Variants in DOCK3 observed in about 807,000 individuals in gnomAD.
DOCK3 encodes the protein dedicator of cytokinesis 3, also known as dedicator of cytokinesis protein 3.
A neutral mutation model predicts 265.6 loss-of-function variants in DOCK3; 60 were observed. The observed-to-expected ratio is 0.23, with a 90% confidence interval of 0.18 to 0.28. The LOEUF (loss-of-function observed/expected upper bound fraction) is 0.28, where lower values mean the gene tolerates loss of function less well. Ranked by LOEUF, DOCK3 falls within the 10% of genes least tolerant of loss-of-function variation. The pLI is 1.00. For missense variants in DOCK3, 1,981 were observed against 2,594.3 expected, an observed-to-expected ratio of 0.76 and a Z score of 5.14; for synonymous variants, 881 against 938.0, an observed-to-expected ratio of 0.94 and a Z score of 1.11.
chr3:51,283,406 G>C (rs1314678998), intron 27 of DOCK3, among the ~76,000 whole-genome samples: 2 of 152,184 alleles, frequency 1.3e-5, no homozygotes, highest in Admixed American at 6.5e-5. Context: ...GAGGAAATTT[G>C]TATCTCTAGA....
intron 3 of DOCK3, among the ~76,000 whole-genome samples, chr3:50,860,890 T>C (rs2046876414): frequency 6.6e-6 from 1 of 152,218 alleles, no homozygotes; most frequent in Admixed American, 6.5e-5. Flanking sequence ...GTCTCTTTCC[T>C]AGGGGTACAT....
intron 1 of DOCK3, among the ~76,000 whole-genome samples, chr3:50,745,397 T>C (rs2039359555): frequency 6.6e-6 from 1 of 152,152 alleles, no homozygotes; most frequent in African/African-American, 2.4e-5. Flanking sequence ...CTTTGGGTAG[T>C]AATGTTATTT....
chr3:51,087,168 G>T (rs986823526), intron 7 of DOCK3, among the ~76,000 whole-genome samples: 1 of 151,544 alleles, frequency 6.6e-6, no homozygotes, highest in Non-Finnish European at 1.5e-5. Context: ...GTCAGACAAG[G>T]ACACAAGAAA....
At chr3:51,216,923 A>T (rs184002982) in intron 14 of DOCK3, among the ~76,000 whole-genome samples, 10 of 152,318 alleles carry the variant, frequency 6.6e-5, no homozygotes, top group Admixed American at 6.5e-4. Flanking sequence ...GCAGTCCCTC[A>T]GCTCTCACAG....
intron 5 of DOCK3, among the ~76,000 whole-genome samples, chr3:50,971,832 C>G (rs2077244978): frequency 6.6e-6 from 1 of 152,224 alleles, no homozygotes. Context: ...CCCATGCTTA[C>G]TCTCAGATAC....
rs536060962 is a variant in DOCK3, at chr3:50,931,656, T to G, written c.219-2325T>G. Among the ~76,000 whole-genome samples the G allele has an allele frequency of 6.5e-3, 992 of 152,324 alleles. 5 individuals carry two copies. Among genetic ancestry groups the G allele is most frequent in the African/African-American group, 0.022 (927 of 41,556 alleles). On this transcript the variant is annotated intron_variant, in intron 4 of 52. Coordinates refer to ENST00000266037, the MANE Select transcript of DOCK3 (RefSeq NM_004947.5). The stretch of plus-strand genomic sequence containing the variant: ...GATCAATATGACCTATTTCAAAAAA[T>G]TAAAGTAAATTAAACCATAGTTATT...
chr3:51,186,481 G>C (rs1204996644), intron 12 of DOCK3, among the ~76,000 whole-genome samples: 4 of 152,208 alleles, frequency 2.6e-5, no homozygotes, highest in Non-Finnish European at 2.9e-5. Flanking sequence ...TACATTCTCT[G>C]AGGAGAAATT....
intron 5 of DOCK3, among the ~76,000 whole-genome samples, chr3:50,964,317 G>T (rs531816042): frequency 9.2e-5 from 14 of 152,216 alleles, no homozygotes; most frequent in Non-Finnish European, 1.8e-4. Context: ...ATCAATATTT[G>T]AAACCAACCC....
chr3:51,104,870 C>T (rs1293878435), intron 9 of DOCK3, among the ~76,000 whole-genome samples: 9 of 152,116 alleles, frequency 5.9e-5, no homozygotes, highest in East Asian at 5.8e-4. Flanking sequence ...CTCATTGCAG[C>T]GTTAACCTCC....
chr3:50,937,328 A>G (rs1451558579), intron 5 of DOCK3, among the ~76,000 whole-genome samples: 2 of 151,328 alleles, frequency 1.3e-5, no homozygotes, highest in Non-Finnish European at 2.9e-5. Context: ...AAGGACATAA[A>G]TTATAATAGG....
chr3:51,107,394 T>G (rs918826118), intron 9 of DOCK3, among the ~76,000 whole-genome samples: 5 of 152,056 alleles, frequency 3.3e-5, no homozygotes, highest in African/African-American at 1.2e-4. Flanking sequence ...ATTCAGAATA[T>G]GAATAGGAAT....
rs2086698667 is a variant in DOCK3, at chr3:51,361,007, G to C, written c.5006+375G>C. Among the ~76,000 whole-genome samples, 1 of 152,210 alleles carries C rather than the reference G, an allele frequency of 6.6e-6. No individual in the cohort carries two copies. The highest frequency in any genetic ancestry group is 1.5e-5 in the Non-Finnish European group (1 of 68,040). On this transcript the variant is annotated intron_variant, in intron 47 of 52. Transcript: ENST00000266037. The surrounding 1 kb of genome is among the most constrained non-coding windows in gnomAD (Gnocchi z 4.2). ...CACTCTGAGTAGAGCCAAGTGGCTG[G>C]AGTGCCGGATTCCAGGGCACGGAAA... is the stretch of plus-strand genomic sequence containing the variant.
chr3:51,329,728 G>A (rs1409214411), intron 32 of DOCK3, among the ~76,000 whole-genome samples: 3 of 152,142 alleles, frequency 2.0e-5, no homozygotes, highest in Admixed American at 6.5e-5. Flanking sequence ...CATCCTTTTT[G>A]ACTGGCTGAC....
intron 5 of DOCK3, among the ~76,000 whole-genome samples, chr3:51,035,096 T>A (rs542125889): frequency 5.3e-4 from 80 of 152,196 alleles, no homozygotes; most frequent in Middle Eastern, 3.4e-3. Flanking sequence ...GAATATATAT[T>A]ATGCATTTCT....
chr3:51,200,781 C>T (rs551138877), intron 12 of DOCK3, among the ~76,000 whole-genome samples: 12,553 of 151,866 alleles, frequency 0.083, 666 homozygotes, highest in Non-Finnish European at 0.13. Flanking sequence ...AGAGAAAGGT[C>T]GGGTTACCCA....
At chr3:51,295,278 A>G (rs1388017194) in intron 27 of DOCK3, among the ~76,000 whole-genome samples, 2 of 152,272 alleles carry the variant, frequency 1.3e-5, no homozygotes, top group East Asian at 3.8e-4. Context: ...AAGGAGAGCC[A>G]GTGTGTGCAG....
chr3:51,381,762 T>G lies in DOCK3; in HGVS notation c.*203T>G. The stretch of plus-strand genomic sequence containing the variant: ...CCACAGCAGCATGAAGGGTTGTGGC[T>G]TCCCTTTTTATTTTTTTACATTTCC... On this transcript the variant is annotated 3_prime_UTR_variant, in exon 53 of 53. Transcript: ENST00000266037. The surrounding 1 kb of genome is among the most constrained non-coding windows in gnomAD (Gnocchi z 5.6). 1.8e-6 allele frequency: 1 copy of G among 563,046 alleles called. No homozygotes were observed. The highest frequency in any genetic ancestry group is 2.8e-6 in the Non-Finnish European group (1 of 355,384). 34.9% of individuals were successfully genotyped at this position (563,046 alleles called of 1,614,324 possible). A position where few individuals can be genotyped will look rare whatever the true frequency, so the allele number is the denominator to read the frequency against.
chr3:50,717,944 C>A (rs920281713), intron 1 of DOCK3, among the ~76,000 whole-genome samples: 20 of 152,056 alleles, frequency 1.3e-4, no homozygotes, highest in African/African-American at 4.3e-4. Context: ...TTTACTTTTG[C>A]ATTATTAAAT....
chr3:50,762,312 A>C (rs936734826), intron 1 of DOCK3, among the ~76,000 whole-genome samples: 1 of 152,166 alleles, frequency 6.6e-6, no homozygotes, highest in African/African-American at 2.4e-5. Flanking sequence ...TAAATTGGAA[A>C]GAAGCCCCAG....
Sources: gnomAD v4.1 joint callset for allele counts (sites outside exome capture counted in the v4.1 genomes callset) on GRCh38, gnomAD v4.1.1 for gene constraint, Gnocchi (gnomAD v3.1) non-coding constraint, MANE v1.5 for transcripts, NCBI Gene and HGNC (gene_info 2026-07-23, HGNC 2026-07-21) for gene names.